CADM2: variants seen among roughly 807,000 people sequenced by gnomAD.
CADM2 encodes the protein cell adhesion molecule 2.
Under a neutral mutation model 49.8 loss-of-function variants are expected in CADM2, and 12 were observed. The ratio of observed to expected loss-of-function variants is 0.24; its 90% CI spans 0.15 to 0.39. The LOEUF is 0.39. CADM2 is among the 10% of genes least tolerant of loss of function. CADM2 has a pLI of 1.00. For missense variants in CADM2, 378 were observed against 492.3 expected (o/e 0.77, Z 2.20); for synonymous variants, 214 against 175.4 (o/e 1.22, Z -1.74).
rs2075954440 is a variant in CADM2 at position 85,872,128 on chromosome 3, G to A, written c.239-11163G>A. Among the ~76,000 whole-genome samples, 9 of 152,260 alleles carry A rather than the reference G, an allele frequency of 5.9e-5. No homozygotes were observed. The South Asian group carries it at 1.9e-3, about 32-fold the overall frequency. ...TTGTTGGGCTGCCTATGTGACCAAG[G>A]CCAAGTCAAGCTCAAAGCCTGTAAG... is the stretch of plus-strand genomic sequence containing the variant. On this transcript the variant is annotated intron_variant, in intron 3 of 9. Transcript: ENST00000383699.
intron 8 of CADM2, among the ~76,000 whole-genome samples, chr3:86,000,567 G>T (rs1730052642): frequency 6.6e-6 from 1 of 152,008 alleles, no homozygotes; most frequent in Admixed American, 6.6e-5. Flanking sequence ...AGTGATATTT[G>T]CTAGATATGA....
chr3:85,473,355 A>C (rs1292668796), intron 1 of CADM2, among the ~76,000 whole-genome samples: 2 of 152,068 alleles, frequency 1.3e-5, no homozygotes, highest in Non-Finnish European at 2.9e-5. Flanking sequence ...TACTCTTGAC[A>C]AGTAGCTCCT....
At chr3:85,514,561 G>C (rs2060848649) in intron 1 of CADM2, among the ~76,000 whole-genome samples, 1 of 152,206 alleles carries the variant, frequency 6.6e-6, no homozygotes, top group South Asian at 2.1e-4. Context: ...AGAAGACCTT[G>C]ATGTCCTATA....
chr3:84,990,859 C>A (rs1464904820), intron 1 of CADM2, among the ~76,000 whole-genome samples: 1 of 151,996 alleles, frequency 6.6e-6, no homozygotes, highest in East Asian at 1.9e-4. Context: ...TGACAAATCA[C>A]AAATATGAAA....
chr3:85,103,958 G>T (rs2038112154), intron 1 of CADM2, among the ~76,000 whole-genome samples: 1 of 152,112 alleles, frequency 6.6e-6, no homozygotes, highest in Non-Finnish European at 1.5e-5. Context: ...TTTGATAAGA[G>T]AAATAAATTT....
intron 8 of CADM2, among the ~76,000 whole-genome samples, chr3:85,970,366 A>G (rs1423379328): frequency 6.6e-6 from 1 of 151,420 alleles, no homozygotes; most frequent in East Asian, 2.0e-4. Flanking sequence ...AGGTGATAGG[A>G]GTGGATATTA....
intron 1 of CADM2, among the ~76,000 whole-genome samples, chr3:85,290,366 G>T: frequency 6.6e-6 from 1 of 152,174 alleles, no homozygotes; most frequent in Non-Finnish European, 1.5e-5. Flanking sequence ...TGGGGGAGGG[G>T]CGCCCGCCAT....
At chr3:85,849,162 GT>G (rs2074998142) in intron 3 of CADM2, among the ~76,000 whole-genome samples, 1 of 152,096 alleles carries the variant, frequency 6.6e-6, no homozygotes, top group Non-Finnish European at 1.5e-5. Context: ...TCACAGTTGT[GT>G]TACATAAATG....
At chr3:84,999,322 TG>T (rs2033337007) in intron 1 of CADM2, among the ~76,000 whole-genome samples, 1 of 152,264 alleles carries the variant, frequency 6.6e-6, no homozygotes, top group African/African-American at 2.4e-5. Flanking sequence ...ATAACCTTTT[TG>T]TATGTGTGTT....
At chr3:85,167,577 T>C (rs1045718777) in intron 1 of CADM2, among the ~76,000 whole-genome samples, 3 of 152,104 alleles carry the variant, frequency 2.0e-5, no homozygotes, top group African/African-American at 7.2e-5. Context: ...CTAGGAGGTG[T>C]GAAGAACTGA....
At chr3:85,076,141 C>T (rs1293298244) in intron 1 of CADM2, among the ~76,000 whole-genome samples, 1 of 151,474 alleles carries the variant, frequency 6.6e-6, no homozygotes, top group African/African-American at 2.4e-5. Flanking sequence ...TTAATCTTTA[C>T]ATTTAATCTT....
intron 8 of CADM2, among the ~76,000 whole-genome samples, chr3:85,988,117 A>G (rs2108689411): frequency 6.6e-6 from 1 of 152,336 alleles, no homozygotes; most frequent in Non-Finnish European, 1.5e-5. Flanking sequence ...AGCAAATGCC[A>G]CAAAGCGTGA....
In CADM2 at chr3:85,930,680, A is replaced by G. The variant is rs189720178; in HGVS notation, c.701-5087A>G. 3.9e-5 allele frequency among the ~76,000 whole-genome samples: 6 copies of G among 152,094 alleles called. No individual in the cohort carries two copies. The East Asian group carries it at 1.2e-3, about 29-fold the overall frequency. The stretch of plus-strand genomic sequence containing the variant: ...CGAGTTGAATTGATTTGATTTTTAT[A>G]TCTCACAAATAAATGAGAACATGTG... On this transcript the variant is annotated intron_variant, in intron 6 of 9. Coordinates refer to ENST00000383699, the MANE Select transcript of CADM2 (RefSeq NM_001167675.2).
chr3:85,387,641 A>G (rs1237123950), intron 1 of CADM2, among the ~76,000 whole-genome samples: 1 of 152,224 alleles, frequency 6.6e-6, no homozygotes, highest in African/African-American at 2.4e-5. Context: ...GCGGTTTTAT[A>G]TATGAAATAT....
chr3:85,345,315 A>AAC (rs2107211922), intron 1 of CADM2, among the ~76,000 whole-genome samples: 1 of 127,216 alleles, frequency 7.9e-6, no homozygotes, highest in South Asian at 2.8e-4. Context: ...CTCCATCTCA[A>AAC]AAAAAAAAAA....
intron 1 of CADM2, among the ~76,000 whole-genome samples, chr3:85,192,433 T>G (rs189443121): frequency 6.6e-6 from 1 of 152,162 alleles, no homozygotes; most frequent in East Asian, 1.9e-4. Flanking sequence ...GAGCTCATCT[T>G]TCCTTAGCCA....
intron 1 of CADM2, among the ~76,000 whole-genome samples, chr3:85,707,855 C>T (rs1224312026): frequency 6.6e-6 from 1 of 152,114 alleles, no homozygotes; most frequent in Admixed American, 6.6e-5. Context: ...CCACATTTTC[C>T]TCTTACTTGC....
chr3:85,377,047 A>G (rs1284787701), intron 1 of CADM2, among the ~76,000 whole-genome samples: 3 of 152,118 alleles, frequency 2.0e-5, no homozygotes, highest in Non-Finnish European at 4.4e-5. Context: ...CCTAGTTTAC[A>G]TTAAATTTGC....
intron 6 of CADM2, among the ~76,000 whole-genome samples, chr3:85,913,595 C>T (rs1243007515): frequency 1.3e-5 from 2 of 152,012 alleles, no homozygotes; most frequent in African/African-American, 4.8e-5. Context: ...ACTGGGGTTA[C>T]AGCAATGACC....
Sources: allele counts gnomAD v4.1 joint callset (sites outside exome capture counted in the v4.1 genomes callset), GRCh38; gene constraint gnomAD v4.1.1; transcripts MANE v1.5; gene names NCBI Gene and HGNC (gene_info 2026-07-23, HGNC 2026-07-21).